ASAP2: variants seen among roughly 807,000 people sequenced by gnomAD.
ASAP2 encodes the protein arf-GAP with SH3 domain, ANK repeat and PH domain-containing protein 2.
In ASAP2, 45 loss-of-function variants were observed where a neutral mutation model predicts 131.4. The ratio of observed to expected loss-of-function variants is 0.34; its 90% CI spans 0.27 to 0.44. The LOEUF is 0.44. Ranked by LOEUF, ASAP2 falls within the 20% of genes least tolerant of loss-of-function variation. ASAP2 has a pLI of 1.00. For synonymous variants in ASAP2, 510 were observed against 503.0 expected, an observed-to-expected ratio of 1.01 and a Z score of -0.19; for missense variants, 1,011 against 1,297.0, an observed-to-expected ratio of 0.78 and a Z score of 3.39.
intron 22 of ASAP2, 59 bp from the exon 23 acceptor site, chr2:9,391,003 T>A: frequency 6.2e-7 from 1 of 1,613,210 alleles, no homozygotes; most frequent in East Asian, 2.2e-5. Flanking sequence ...TCTGTTTTTG[T>A]TCGTGTGTGC....
At chr2:9,248,839 C>G (rs1260419589) in intron 1 of ASAP2, among the ~76,000 whole-genome samples, 1 of 152,138 alleles carries the variant, frequency 6.6e-6, no homozygotes, top group African/African-American at 2.4e-5. Flanking sequence ...CTGAAGTCTT[C>G]CTGATGTCGA....
rs778968834 is a variant in ASAP2 at position 9,393,588 on chromosome 2, G to C, written c.2625G>C (p.Arg875Ser). ...CCCCGCCTGGGATCTCACAGATCAG[G>C]CCCCCACCTCTGCCCCCACAGCCGC... is the stretch of plus-strand genomic sequence containing the variant. ...KPAPPGISQI[R>S]PPPLPPQPPS... Residue 875 changes from arginine (R) to serine (S), a missense_variant, in exon 24 of 28, where the codon AGG becomes AGC. By Grantham distance (110) the Arg-to-Ser change is moderately radical. This residue lies in a region of ASAP2 where 652 missense variants were observed against 698.9 expected (regional missense o/e 0.93). Transcript: ENST00000281419. The C allele has an allele frequency of 2.2e-5, 35 of 1,595,548 alleles. No homozygotes were observed. Among genetic ancestry groups the C allele is most frequent in the Middle Eastern group, 3.4e-4 (2 of 5,934 alleles).
intron 1 of ASAP2, among the ~76,000 whole-genome samples, chr2:9,255,273 C>T (rs1388992907): frequency 1.3e-5 from 2 of 152,138 alleles, no homozygotes; most frequent in Non-Finnish European, 2.9e-5. Flanking sequence ...AGTAGAGATT[C>T]TAATGAGTAT....
chr2:9,334,907 T>A, intron 8 of ASAP2, 94 bp downstream of exon 8: 1 of 1,468,012 alleles, frequency 6.8e-7, no homozygotes, highest in Non-Finnish European at 9.5e-7. Flanking sequence ...TGTGTTTTCA[T>A]GCCGTGCCGC....
rs147542408 is a variant in ASAP2, at chr2:9,281,089, C to T, written c.199+1700C>T. Among the ~76,000 whole-genome samples, 143 of 152,074 alleles carry T rather than the reference C, an allele frequency of 9.4e-4. 1 individual carries two copies. The highest frequency in any genetic ancestry group is 3.4e-3 in the Middle Eastern group (1 of 294). On this transcript the variant is annotated intron_variant, in intron 2 of 27. Coordinates refer to ENST00000281419, the MANE Select transcript of ASAP2 (RefSeq NM_003887.3). This position sits in a 1 kb window ranked among gnomAD's most constrained non-coding sequence, Gnocchi z 4.0. ...TTCAGTGAGTCACTAAGAAATGGTA[C>T]GCCCAGTTTCATTGACAAGCACCAG...
intron 7 of ASAP2, among the ~76,000 whole-genome samples, chr2:9,334,018 C>A (rs184861863): frequency 1.2e-4 from 17 of 146,288 alleles, no homozygotes; most frequent in Admixed American, 9.6e-4. Flanking sequence ...ATTTCTCTCT[C>A]TCTCTGTCTC....
At chr2:9,397,878 C>G (rs985585117) in intron 24 of ASAP2, among the ~76,000 whole-genome samples, 17 of 149,074 alleles carry the variant, frequency 1.1e-4, no homozygotes, top group African/African-American at 3.7e-4. Context: ...CCTGCCTCAG[C>G]CTCCTGAGTA....
intron 1 of ASAP2, among the ~76,000 whole-genome samples, chr2:9,267,897 CAAAAAAAAAA>C (rs34716225): frequency 1.5e-5 from 1 of 65,006 alleles, no homozygotes; most frequent in African/African-American, 7.0e-5. Context: ...GACTCTATCT[CAAAAAAAAAA>C]AAAAAAAAAA....
At position 9,311,910 on chromosome 2, in the gene ASAP2, G is replaced by A. The variant is rs1669329330; in HGVS notation, c.346-6614G>A. ...TGTGTGGATTGCATACACCAAGCATGGAAAGGCAGAGGCAAGCAGGCTGAT... is the reference window on the plus strand; with the variant it reads ...TGTGTGGATTGCATACACCAAGCATAGAAAGGCAGAGGCAAGCAGGCTGAT... On this transcript the variant is annotated intron_variant, in intron 3 of 27. Coordinates refer to ENST00000281419, the MANE Select transcript of ASAP2 (RefSeq NM_003887.3). This position sits in a 1 kb window ranked among gnomAD's most constrained non-coding sequence, Gnocchi z 5.2. Among the ~76,000 whole-genome samples the A allele has an allele frequency of 6.6e-6, 1 of 152,212 alleles. No homozygotes were observed. Among genetic ancestry groups the A allele is most frequent in the Non-Finnish European group, 1.5e-5 (1 of 68,042 alleles).
In ASAP2 at chr2:9,392,886, A is replaced by C. The variant is rs992957124; in HGVS notation, c.2519-596A>C. Among the ~76,000 whole-genome samples the C allele has an allele frequency of 6.6e-6, 1 of 152,216 alleles. No homozygotes were observed. On this transcript the variant is annotated intron_variant, in intron 23 of 27. Transcript: ENST00000281419. The surrounding 1 kb of genome is among the most constrained non-coding windows in gnomAD (Gnocchi z 4.0). Reference sequence around the variant, plus strand: ...AGACTTGGACTCACAGCCTCCCTCCAGGTCTTACCAGCTCTGCCACCCTTG... The same window carrying C: ...AGACTTGGACTCACAGCCTCCCTCCCGGTCTTACCAGCTCTGCCACCCTTG...
rs570692703 is a variant in ASAP2 at position 9,217,979 on chromosome 2, T to G, written c.126+10749T>G. Among the ~76,000 whole-genome samples the G allele has an allele frequency of 4.6e-5, 7 of 152,142 alleles. No individual in the cohort carries two copies. In the East Asian group the frequency reaches 1.4e-3, roughly 29 times the overall value. ...TTAATTTCATTTCTCTGAGCTTTAA[T>G]TCTGTATTAAGGACTGTGCTGTGTT... On this transcript the variant is annotated intron_variant, in intron 1 of 27. Transcript: ENST00000281419. This position sits in a 1 kb window ranked among gnomAD's most constrained non-coding sequence, Gnocchi z 4.0.
chr2:9,327,438 G>T (rs1670552151), intron 6 of ASAP2, among the ~76,000 whole-genome samples: 1 of 152,190 alleles, frequency 6.6e-6, no homozygotes, highest in African/African-American at 2.4e-5. Context: ...AAGCATCTCA[G>T]CTACAATACG....
intron 20 of ASAP2, 142 bp from the exon 21 acceptor site, chr2:9,385,103 C>T (rs759234061): frequency 6.1e-5 from 38 of 622,548 alleles, no homozygotes; most frequent in Non-Finnish European, 8.6e-5. Context: ...GGCAGAGGGG[C>T]GGGGGCTTCA....
At chr2:9,397,752 T>TATATATAATATA (rs1558403474) in intron 24 of ASAP2, among the ~76,000 whole-genome samples, 1 of 74,502 alleles carries the variant, frequency 1.3e-5, no homozygotes, top group African/African-American at 1.1e-4. Flanking sequence ...ATATATATAT[T>TATATATAATATA]TTTTTTTTTT....
In ASAP2 at chr2:9,340,111, C is replaced by T. The variant is rs149579002; in HGVS notation, c.850-4421C>T. Among the ~76,000 whole-genome samples the T allele has an allele frequency of 7.5e-3, 1,141 of 152,332 alleles. 11 individuals carry two copies. Among genetic ancestry groups the T allele is most frequent in the African/African-American group, 0.026 (1,074 of 41,570 alleles). On this transcript the variant is annotated intron_variant, in intron 9 of 27. Transcript: ENST00000281419. Reference sequence around the variant, plus strand: ...AATCTTGGCTCACTGTAACCTCTGCCTCCTGGGTTCAAGTGATTCTTCTGT... The same window carrying T: ...AATCTTGGCTCACTGTAACCTCTGCTTCCTGGGTTCAAGTGATTCTTCTGT...
At chr2:9,335,293 T>A in intron 9 of ASAP2, 114 bp downstream of exon 9, 1 of 836,780 alleles carries the variant, frequency 1.2e-6, no homozygotes, top group Non-Finnish European at 2.0e-6. Flanking sequence ...TCGGGCTGTG[T>A]CAGGCACCAG....
intron 12 of ASAP2, among the ~76,000 whole-genome samples, chr2:9,354,022 A>G (rs936670941): frequency 1.7e-4 from 26 of 152,260 alleles, no homozygotes; most frequent in African/African-American, 6.3e-4. Flanking sequence ...TTCTAGGAGG[A>G]TGGTTCTGTG....
chr2:9,334,826 C>A lies in ASAP2; in HGVS notation c.762+13C>A. 6.2e-7 allele frequency: 1 copy of A among 1,608,908 alleles called. No individual in the cohort carries two copies. Among genetic ancestry groups the A allele is most frequent in the Non-Finnish European group, 8.5e-7 (1 of 1,175,824 alleles). Reference sequence around the variant, plus strand: ...GGATCTTCACACGGTGAGTAGCTTCCCTCCCACTGTGGTTTAAAACCATCT... The same window carrying A: ...GGATCTTCACACGGTGAGTAGCTTCACTCCCACTGTGGTTTAAAACCATCT... On this transcript the variant is annotated intron_variant, in intron 8 of 27. Coordinates refer to ENST00000281419, the MANE Select transcript of ASAP2 (RefSeq NM_003887.3).
intron 21 of ASAP2, 87 bp from the exon 22 acceptor site, chr2:9,388,207 G>C: frequency 6.5e-7 from 1 of 1,544,390 alleles, no homozygotes; most frequent in Non-Finnish European, 8.8e-7. Context: ...GTTGGTGTCA[G>C]TGAGGTTTTC....
Sources: allele counts gnomAD v4.1 joint callset (sites outside exome capture counted in the v4.1 genomes callset), GRCh38; gene constraint gnomAD v4.1.1; regional missense constraint gnomAD v4.1.1; non-coding constraint Gnocchi (gnomAD v3.1); transcripts MANE v1.5; gene names NCBI Gene and HGNC (gene_info 2026-07-23, HGNC 2026-07-21).